LRFN5: variants seen among roughly 807,000 people sequenced by gnomAD.
LRFN5 encodes the protein leucine-rich repeat and fibronectin type-III domain-containing protein 5.
A neutral mutation model predicts 45.6 loss-of-function variants in LRFN5; 24 were observed. That is an observed-to-expected ratio of 0.53 (90% CI 0.38 to 0.74). The LOEUF (loss-of-function observed/expected upper bound fraction) is 0.74. Among genes scored for constraint, LRFN5 ranks in the 30% least tolerant of loss-of-function variants. The pLI, the probability that LRFN5 is intolerant of heterozygous loss-of-function variation, is 0.00. For synonymous variants in LRFN5, 340 were observed against 313.8 expected, an observed-to-expected ratio of 1.08 and a Z score of -0.88; for missense variants, 776 against 861.5, an observed-to-expected ratio of 0.90 and a Z score of 1.24.
intron 2 of LRFN5, among the ~76,000 whole-genome samples, chr14:41,886,184 A>T (rs1008265972): frequency 6.6e-6 from 1 of 152,156 alleles, no homozygotes; most frequent in Admixed American, 6.6e-5. Context: ...ACCTACTTAC[A>T]AATCTTCAAA....
intron 2 of LRFN5, among the ~76,000 whole-genome samples, chr14:41,868,652 C>G (rs1889917345): frequency 6.6e-6 from 1 of 152,176 alleles, no homozygotes; most frequent in Admixed American, 6.6e-5. Context: ...ACTCCTTCCA[C>G]TGCGTTAGCA....
rs569685714 is a variant in LRFN5, at chr14:41,606,893, C to G, written c.-1866C>G. ...CCGCCGCCGCCGCCGCCGCCGCCTT[C>G]ATGCTGCAGCGCAGGGCTCAGTTCC... On this transcript the variant is annotated 5_prime_UTR_variant, in exon 1 of 6. Coordinates refer to ENST00000298119, the MANE Select transcript of LRFN5 (RefSeq NM_152447.5). Among the ~76,000 whole-genome samples, 2 of 152,110 alleles carry G rather than the reference C, an allele frequency of 1.3e-5. No individual in the cohort carries two copies. Among genetic ancestry groups the G allele is most frequent in the Admixed American group, 1.3e-4 (2 of 15,284 alleles).
At chr14:41,707,708 C>G (rs1190079265) in intron 1 of LRFN5, among the ~76,000 whole-genome samples, 1 of 151,982 alleles carries the variant, frequency 6.6e-6, no homozygotes, top group African/African-American at 2.4e-5. Context: ...AGCACATTGA[C>G]GAATGCAACC....
At chr14:41,740,477 G>T (rs1884643913) in intron 1 of LRFN5, among the ~76,000 whole-genome samples, 1 of 151,796 alleles carries the variant, frequency 6.6e-6, no homozygotes, top group Non-Finnish European at 1.5e-5. Flanking sequence ...AATAGATACA[G>T]AAAAAACATT....
intron 2 of LRFN5, among the ~76,000 whole-genome samples, chr14:41,879,483 T>G (rs997998987): frequency 1.3e-5 from 2 of 151,868 alleles, no homozygotes; most frequent in Admixed American, 6.6e-5. Context: ...CCTCATCTTC[T>G]CCTTGTCTTC....
chr14:41,811,154 T>C (rs1019592243), intron 2 of LRFN5, among the ~76,000 whole-genome samples: 14 of 152,018 alleles, frequency 9.2e-5, no homozygotes, highest in Non-Finnish European at 1.9e-4. Flanking sequence ...AAATAGTCAA[T>C]AAGCATATGA....
At chr14:41,622,764 G>T (rs1888180716) in intron 1 of LRFN5, among the ~76,000 whole-genome samples, 1 of 152,046 alleles carries the variant, frequency 6.6e-6, no homozygotes, top group African/African-American at 2.4e-5. Context: ...GATCACACAA[G>T]TGCTGAAGAA....
At chr14:41,828,801 T>C (rs908485212) in intron 2 of LRFN5, among the ~76,000 whole-genome samples, 1 of 151,950 alleles carries the variant, frequency 6.6e-6, no homozygotes, top group Admixed American at 6.6e-5. Flanking sequence ...AATTAACTAC[T>C]AGATCATTTT....
chr14:41,880,121 G>GT lies in LRFN5; in HGVS notation c.-20-6482dup, dbSNP rs374708827. ...TTTTTGTATTTTTAGTAGAGATGGG[G>GT]TTTCACCGTATTAGCCAGGATGGTC... On this transcript the variant is annotated intron_variant, in intron 2 of 5. Coordinates refer to ENST00000298119, the MANE Select transcript of LRFN5 (RefSeq NM_152447.5). Among the ~76,000 whole-genome samples the GT allele has an allele frequency of 7.6e-3, 1,160 of 151,728 alleles. 12 individuals are homozygous for GT. The highest frequency in any genetic ancestry group is 0.026 in the African/African-American group (1,071 of 41,386).
At chr14:41,779,413 G>C (rs1408634010) in intron 2 of LRFN5, among the ~76,000 whole-genome samples, 1 of 151,832 alleles carries the variant, frequency 6.6e-6, no homozygotes, top group Non-Finnish European at 1.5e-5. Context: ...ATGTTAAAGA[G>C]AGCAGTTGGT....
intron 1 of LRFN5, among the ~76,000 whole-genome samples, chr14:41,766,345 T>G (rs1213958469): frequency 6.6e-6 from 1 of 152,202 alleles, no homozygotes; most frequent in Admixed American, 6.5e-5. Context: ...GCCTATGTAT[T>G]TCTTTCATAG....
chr14:41,804,126 G>T (rs1275088322), intron 2 of LRFN5, among the ~76,000 whole-genome samples: 1 of 152,124 alleles, frequency 6.6e-6, no homozygotes, highest in African/African-American at 2.4e-5. Context: ...CTCTGAAAGT[G>T]CTGGGGTTGC....
chr14:41,827,820 T>C (rs1888349209), intron 2 of LRFN5, among the ~76,000 whole-genome samples: 1 of 152,086 alleles, frequency 6.6e-6, no homozygotes, highest in South Asian at 2.1e-4. Context: ...CTTATATGTT[T>C]CTAAATTTGG....
At chr14:41,659,329 G>A (rs748509182) in intron 1 of LRFN5, among the ~76,000 whole-genome samples, 2 of 151,908 alleles carry the variant, frequency 1.3e-5, no homozygotes, top group Non-Finnish European at 2.9e-5. Context: ...GTGCTACTTT[G>A]CTTAGAGTGA....
At chr14:41,629,323 C>T (rs928202823) in intron 1 of LRFN5, among the ~76,000 whole-genome samples, 1 of 152,156 alleles carries the variant, frequency 6.6e-6, no homozygotes, top group East Asian at 1.9e-4. Flanking sequence ...TACTGTTCAA[C>T]CAGCTTCATG....
rs768976780 is a variant in LRFN5 at position 41,891,537 on chromosome 14, A to G, written c.1673A>G (p.Asn558Ser). 6.2e-7 allele frequency: 1 copy of G among 1,614,202 alleles called. No individual in the cohort carries two copies. Among genetic ancestry groups the G allele is most frequent in the Non-Finnish European group, 8.5e-7 (1 of 1,180,042 alleles). Residue 558 changes from asparagine (N) to serine (S), a missense_variant, in exon 4 of 6, where the codon AAT becomes AGT. Asn to Ser is a conservative substitution (Grantham distance 46). This residue lies in a region of LRFN5 where 465 missense variants were observed against 456.4 expected (regional missense o/e 1.02). Transcript: ENST00000298119. ...LMIRYKVCNN[N>S]GQHKVTKVSN... ...ATCCGGTATAAGGTTTGCAACAATA[A>G]TGGGCAACACAAGGTCACCAAGGTT...
intron 1 of LRFN5, among the ~76,000 whole-genome samples, chr14:41,704,832 A>C (rs1363598310): frequency 1.3e-5 from 2 of 152,120 alleles, no homozygotes; most frequent in African/African-American, 2.4e-5. Context: ...ATAAAGAAGA[A>C]ACCTATTATG....
At chr14:41,797,025 T>A (rs1160578493) in intron 2 of LRFN5, among the ~76,000 whole-genome samples, 1 of 151,874 alleles carries the variant, frequency 6.6e-6, no homozygotes, top group African/African-American at 2.4e-5. Context: ...TACTTTCTGC[T>A]CACATTTTCC....
intron 2 of LRFN5, among the ~76,000 whole-genome samples, chr14:41,844,452 A>G (rs938412401): frequency 6.7e-6 from 1 of 149,428 alleles, no homozygotes; most frequent in Non-Finnish European, 1.5e-5. Context: ...AAAAAAAAAT[A>G]TGTATATTTA....
Sources: gnomAD v4.1 joint callset for allele counts (sites outside exome capture counted in the v4.1 genomes callset) on GRCh38, gnomAD v4.1.1 for gene constraint, gnomAD v4.1.1 regional missense constraint, MANE v1.5 for transcripts, NCBI Gene and HGNC (gene_info 2026-07-23, HGNC 2026-07-21) for gene names.